AK8: variants seen among roughly 807,000 people sequenced by gnomAD.
The protein encoded by AK8 is ATP-AMP transphosphorylase 8.
Under a neutral mutation model 54.6 loss-of-function variants are expected in AK8, and 44 were observed. The observed-to-expected ratio is 0.81, with a 90% CI of 0.63 to 1.04. The LOEUF (loss-of-function observed/expected upper bound fraction) is 1.04, where lower values mean the gene tolerates loss of function less well. Among genes scored for constraint, AK8 ranks in the 50% least tolerant of loss-of-function variants. The probability of loss-of-function intolerance (pLI) is 0.00; values close to 1 mark genes in which losing one functional copy is unlikely to be tolerated. For missense variants in AK8, 555 were observed against 613.6 expected (o/e 0.90, Z 1.01); for synonymous variants, 239 against 245.6 (o/e 0.97, Z 0.25).
rs757389958 is a variant in AK8 at position 132,814,672 on chromosome 9, CT to C, written c.944del (p.Glu315GlyfsTer19). On this transcript the variant is annotated frameshift_variant, in exon 10 of 13. Coordinates refer to ENST00000298545, the MANE Select transcript of AK8 (RefSeq NM_152572.3). LOFTEE classifies it high-confidence loss of function. Reference sequence around the variant, plus strand: ...CCTTTTCAAAGAAGGGCTGGATGAGCTCGCCAAACGTGGTCCTATCTGCCAC... The same window carrying C: ...CCTTTTCAAAGAAGGGCTGGATGAGCCGCCAAACGTGGTCCTATCTGCCAC... ...EAVADRTTFG[E>X]LIQPFFEKEM... is the part of the protein sequence containing the mutation. 6.2e-7 allele frequency: 1 copy of C among 1,614,066 alleles called. No homozygotes were observed. Among genetic ancestry groups the C allele is most frequent in the Non-Finnish European group, 8.5e-7 (1 of 1,180,004 alleles).
chr9:132,763,519 G>C (rs1838582797), intron 11 of AK8, among the ~76,000 whole-genome samples: 1 of 152,234 alleles, frequency 6.6e-6, no homozygotes, highest in Non-Finnish European at 1.5e-5. Flanking sequence ...AATCTAACTA[G>C]ATGCGTAAAC....
At chr9:132,869,460 AG>A (rs1843721772) in intron 2 of AK8, among the ~76,000 whole-genome samples, 1 of 152,220 alleles carries the variant, frequency 6.6e-6, no homozygotes, top group Non-Finnish European at 1.5e-5. Flanking sequence ...CGGAGCTGCC[AG>A]GAAGTGCTCC....
intron 5 of AK8, among the ~76,000 whole-genome samples, chr9:132,853,389 A>G (rs1393047926): frequency 2.0e-5 from 3 of 151,800 alleles, no homozygotes; most frequent in Non-Finnish European, 4.4e-5. Context: ...AAAAGGAAAA[A>G]AGAAAACTAA....
chr9:132,869,238 G>A (rs905753665), intron 2 of AK8, among the ~76,000 whole-genome samples: 3 of 152,150 alleles, frequency 2.0e-5, no homozygotes, highest in African/African-American at 7.2e-5. Context: ...TCCCAGCGTG[G>A]CTCATAAGAG....
upstream of AK8, chr9:132,878,429 C>A (rs1588255885): frequency 8.1e-7 from 1 of 1,232,066 alleles, no homozygotes; most frequent in Non-Finnish European, 1.0e-6. This position sits in a 1 kb window ranked among gnomAD's most constrained non-coding sequence, Gnocchi z 4.7. Flanking sequence ...ACGCGCTCTG[C>A]GGCTCGGGCA....
chr9:132,748,573 A>C (rs1375802011), intron 11 of AK8, among the ~76,000 whole-genome samples: 1 of 151,928 alleles, frequency 6.6e-6, no homozygotes, highest in Non-Finnish European at 1.5e-5. Context: ...TGCTTCCTAG[A>C]TGCTAGTTGC....
intron 11 of AK8, among the ~76,000 whole-genome samples, chr9:132,760,192 T>C (rs1006709616): frequency 6.6e-6 from 1 of 152,110 alleles, no homozygotes; most frequent in African/African-American, 2.4e-5. Flanking sequence ...TGTTAATTTT[T>C]TTTTTTTTGG....
intron 11 of AK8, among the ~76,000 whole-genome samples, chr9:132,740,673 C>G (rs1837329255): frequency 6.6e-6 from 1 of 152,090 alleles, no homozygotes; most frequent in African/African-American, 2.4e-5. Flanking sequence ...GAACAGAGAC[C>G]TGTGCACCTC....
chr9:132,838,528 G>T (rs772846127), intron 5 of AK8, among the ~76,000 whole-genome samples: 1 of 152,242 alleles, frequency 6.6e-6, no homozygotes, highest in Non-Finnish European at 1.5e-5. Flanking sequence ...TGCGGACATG[G>T]TCAAGGTTCA....
chr9:132,777,530 T>C (rs1839274442), intron 11 of AK8, among the ~76,000 whole-genome samples: 1 of 152,224 alleles, frequency 6.6e-6, no homozygotes. Context: ...TTGAATCTGT[T>C]GACAACATTA....
At chr9:132,740,718 C>A (rs557820434) in intron 11 of AK8, among the ~76,000 whole-genome samples, 1 of 152,134 alleles carries the variant, frequency 6.6e-6, no homozygotes, top group Non-Finnish European at 1.5e-5. Flanking sequence ...AGCACCCCCC[C>A]GCCCCACTCT....
At chr9:132,820,545 C>T (rs1208578560) in intron 9 of AK8, among the ~76,000 whole-genome samples, 1 of 152,194 alleles carries the variant, frequency 6.6e-6, no homozygotes, top group Non-Finnish European at 1.5e-5. Context: ...CCACATCTCT[C>T]CTTACATATC....
intron 2 of AK8, among the ~76,000 whole-genome samples, chr9:132,869,429 C>A (rs1399367917): frequency 6.6e-6 from 1 of 152,202 alleles, no homozygotes; most frequent in Non-Finnish European, 1.5e-5. Flanking sequence ...TGCTGCCCTT[C>A]CACCCAGGAA....
At chr9:132,852,106 T>C (rs1479904154) in intron 5 of AK8, among the ~76,000 whole-genome samples, 1 of 151,972 alleles carries the variant, frequency 6.6e-6, no homozygotes, top group Non-Finnish European at 1.5e-5. Flanking sequence ...AATAGTGGAA[T>C]AAAAAAACAA....
rs1841865845 is a variant in AK8 at position 132,826,277 on chromosome 9, G to A, written c.757+577C>T. ...CTGCGTCGGGGCTGAGATTTGAACAGGTTGCTCAGCTCAGCCATCCCCGCA... is the reference window on the plus strand; with the variant it reads ...CTGCGTCGGGGCTGAGATTTGAACAAGTTGCTCAGCTCAGCCATCCCCGCA... On this transcript the variant is annotated intron_variant, in intron 8 of 12. Transcript: ENST00000298545. This position sits in a 1 kb window ranked among gnomAD's most constrained non-coding sequence, Gnocchi z 4.5. 1.3e-5 allele frequency among the ~76,000 whole-genome samples: 2 copies of A among 152,310 alleles called. No individual in the cohort carries two copies. Among genetic ancestry groups the A allele is most frequent in the South Asian group, 4.1e-4 (2 of 4,828 alleles).
chr9:132,839,796 T>C (rs1178533314), intron 5 of AK8, among the ~76,000 whole-genome samples: 1 of 135,422 alleles, frequency 7.4e-6, no homozygotes. Flanking sequence ...ACTGTGTAAA[T>C]TGTAAAGAAA....
chr9:132,865,733 A>C (rs2131418369), intron 3 of AK8, among the ~76,000 whole-genome samples: 1 of 152,010 alleles, frequency 6.6e-6, no homozygotes. Context: ...GAATTGCTTG[A>C]ACCCAGGAGG....
intron 3 of AK8, among the ~76,000 whole-genome samples, chr9:132,864,897 G>A (rs558307638): frequency 1.3e-5 from 2 of 152,326 alleles, no homozygotes; most frequent in Admixed American, 6.5e-5. Context: ...CTCCCACTGA[G>A]CAACCAGACT....
intron 10 of AK8, among the ~76,000 whole-genome samples, chr9:132,797,719 T>A (rs1322664294): frequency 6.6e-6 from 1 of 152,248 alleles, no homozygotes; most frequent in Non-Finnish European, 1.5e-5. Context: ...TGATTTTTTT[T>A]TAAAGGAAAC....
Sources: allele counts gnomAD v4.1 joint callset (sites outside exome capture counted in the v4.1 genomes callset), GRCh38; gene constraint gnomAD v4.1.1; non-coding constraint Gnocchi (gnomAD v3.1); transcripts MANE v1.5; gene names NCBI Gene and HGNC (gene_info 2026-07-23, HGNC 2026-07-21).